MRPS35: variants seen among roughly 807,000 people sequenced by gnomAD.
MRPS35 encodes small ribosomal subunit protein mS35.
In MRPS35, 29 loss-of-function variants were observed where a neutral mutation model predicts 32.7. That is an observed-to-expected ratio of 0.89 (90% CI 0.66 to 1.21). The LOEUF is 1.21. Ranked by LOEUF, MRPS35 falls within the 50% of genes most tolerant of loss-of-function variation. The pLI, the probability that MRPS35 is intolerant of heterozygous loss-of-function variation, is 0.00. For synonymous variants in MRPS35, 148 were observed against 139.3 expected (o/e 1.06, Z -0.44); for missense variants, 373 against 383.8 (o/e 0.97, Z 0.23).
intron 4 of MRPS35, among the ~76,000 whole-genome samples, chr12:27,722,826 C>A (rs2061882232): frequency 6.6e-6 from 1 of 152,182 alleles, no homozygotes; most frequent in African/African-American, 2.4e-5. Context: ...TCCCAGATAT[C>A]AGAGAGTCTT....
At chr12:27,714,959 C>A in intron 2 of MRPS35, 139 bp downstream of exon 2, 1 of 687,998 alleles carries the variant, frequency 1.5e-6, no homozygotes, top group Non-Finnish European at 2.5e-6. Flanking sequence ...ATAGCCCTGG[C>A]AGAGGTTAGT....
chr12:27,726,476 T>C (rs2061901052), intron 5 of MRPS35, among the ~76,000 whole-genome samples: 1 of 152,160 alleles, frequency 6.6e-6, no homozygotes. Context: ...TGTGTAGATA[T>C]GTGTTTTCCA....
chr12:27,713,963 A>G (rs989957064), intron 1 of MRPS35, among the ~76,000 whole-genome samples: 2 of 151,602 alleles, frequency 1.3e-5, no homozygotes, highest in African/African-American at 4.8e-5. Context: ...AGTCCTAGCT[A>G]CTTGGGGTGC....
chr12:27,715,822 C>G (rs1456396972), intron 2 of MRPS35, among the ~76,000 whole-genome samples: 1 of 152,108 alleles, frequency 6.6e-6, no homozygotes, highest in Non-Finnish European at 1.5e-5. Context: ...TTCTCTGGGC[C>G]TAGGAGACAT....
At chr12:27,752,770 T>G (rs2062010901) in intron 7 of MRPS35, 2 of 152,112 alleles carry the variant, frequency 1.3e-5, no homozygotes, top group Non-Finnish European at 2.9e-5. Context: ...AAAAATTAGG[T>G]GGGGTAGGAT....
intron 3 of MRPS35, among the ~76,000 whole-genome samples, chr12:27,717,244 T>C (rs887254250): frequency 2.0e-5 from 3 of 152,136 alleles, no homozygotes; most frequent in African/African-American, 7.2e-5. Flanking sequence ...TAACCTAATT[T>C]GAGATTAAGA....
chr12:27,754,332 AATTTT>A (rs1565473218), intron 7 of MRPS35, among the ~76,000 whole-genome samples: 2 of 152,140 alleles, frequency 1.3e-5, no homozygotes, highest in South Asian at 2.1e-4. Context: ...TCATATTCTT[AATTTT>A]ATTTTAATAA....
intron 7 of MRPS35, among the ~76,000 whole-genome samples, chr12:27,754,293 T>G (rs1401401147): frequency 6.6e-6 from 1 of 152,000 alleles, no homozygotes; most frequent in East Asian, 1.9e-4. Flanking sequence ...TATGAAGTCA[T>G]TATGACTAAA....
At chr12:27,716,518 C>G in intron 3 of MRPS35, 60 bp downstream of exon 3, 1 of 1,562,492 alleles carries the variant, frequency 6.4e-7, no homozygotes. Context: ...CTGATCTTCC[C>G]CCCTATTTCT....
intron 7 of MRPS35, among the ~76,000 whole-genome samples, chr12:27,743,190 A>C (rs570961348): frequency 9.9e-5 from 15 of 152,170 alleles, no homozygotes; most frequent in Middle Eastern, 3.4e-3. Context: ...TTCGTGAAAG[A>C]GTAAACCATC....
intron 5 of MRPS35, among the ~76,000 whole-genome samples, chr12:27,726,836 G>A (rs559756897): frequency 1.3e-5 from 2 of 152,004 alleles, no homozygotes; most frequent in East Asian, 1.9e-4. Context: ...TTTATCTTTC[G>A]ATTGTTGAGT....
At chr12:27,714,655 T>C in intron 1 of MRPS35, 125 bp from the exon 2 acceptor site, 1 of 687,382 alleles carries the variant, frequency 1.5e-6, no homozygotes, top group Non-Finnish European at 2.3e-6. Context: ...AAAAAAAGAT[T>C]GTTTCATTGT....
intron 5 of MRPS35, among the ~76,000 whole-genome samples, chr12:27,724,435 T>C (rs1281211519): frequency 1.3e-5 from 2 of 151,882 alleles, no homozygotes; most frequent in African/African-American, 4.8e-5. Context: ...CACAGAAATT[T>C]TGGAAAATAC....
chr12:27,744,895 G>A (rs1302425285), intron 7 of MRPS35, among the ~76,000 whole-genome samples: 1 of 152,040 alleles, frequency 6.6e-6, no homozygotes, highest in Non-Finnish European at 1.5e-5. Context: ...CTGCTTCAAT[G>A]ATCACCTTGC....
At chr12:27,737,749 TAG>T in intron 7 of MRPS35, 141 bp downstream of exon 7, 1 of 638,070 alleles carries the variant, frequency 1.6e-6, no homozygotes, top group South Asian at 2.1e-5. Context: ...ATGTCATAGG[TAG>T]CTTCTACTGA....
intron 5 of MRPS35, chr12:27,725,604 G>A: frequency 4.0e-6 from 1 of 249,216 alleles, no homozygotes; most frequent in Non-Finnish European, 8.0e-6. Context: ...AATCCCAGCA[G>A]AATGTGAGAA....
chr12:27,714,674 T>A, intron 1 of MRPS35, 106 bp from the exon 2 acceptor site: 4 of 767,014 alleles, frequency 5.2e-6, no homozygotes, highest in Non-Finnish European at 8.2e-6. Context: ...GTTATGTTAC[T>A]AAATACCTTA....
At chr12:27,719,949 G>C in intron 4 of MRPS35, 81 bp downstream of exon 4, 1 of 1,030,182 alleles carries the variant, frequency 9.7e-7, no homozygotes, top group Non-Finnish European at 1.5e-6. Flanking sequence ...ATACTGTATA[G>C]CCTTATATTC....
At chr12:27,741,082 C>A (rs1333526043) in intron 7 of MRPS35, among the ~76,000 whole-genome samples, 4 of 151,906 alleles carry the variant, frequency 2.6e-5, no homozygotes, top group Admixed American at 2.6e-4. Context: ...GCACAAGAAT[C>A]GCTTGAACCC....
Sources: allele counts gnomAD v4.1 joint callset (sites outside exome capture counted in the v4.1 genomes callset), GRCh38; gene constraint gnomAD v4.1.1; transcripts MANE v1.5; gene names NCBI Gene and HGNC (gene_info 2026-07-23, HGNC 2026-07-21).